The following SYT10 variants were observed in gnomAD, a reference collection of about 807,000 sequenced individuals.
The protein encoded by SYT10 is synaptotagmin-10.
In SYT10, 31 loss-of-function variants were observed where a neutral mutation model predicts 51.1. The observed-to-expected ratio is 0.61, with a 90% CI of 0.46 to 0.82. SYT10 has a LOEUF of 0.82. SYT10 is among the 40% of genes least tolerant of loss of function. The pLI, the probability that SYT10 is intolerant of heterozygous loss-of-function variation, is 0.00. For missense variants in SYT10, 603 were observed against 634.0 expected, an observed-to-expected ratio of 0.95 and a Z score of 0.53; for synonymous variants, 233 against 225.9, an observed-to-expected ratio of 1.03 and a Z score of -0.28.
intron 6 of SYT10, among the ~76,000 whole-genome samples, chr12:33,377,634 T>C (rs11052660): frequency 2.5e-4 from 19 of 74,772 alleles, no homozygotes; most frequent in South Asian, 1.7e-3. Context: ...TTTTTCTTTT[T>C]TTTTTTTTTT....
chr12:33,405,006 C>T (rs773028100), intron 3 of SYT10: 1 of 150,932 alleles, frequency 6.6e-6, no homozygotes, highest in Admixed American at 6.6e-5. Context: ...GTTTGGAAAA[C>T]GTATGAATGT....
chr12:33,394,858 C>T (rs777356969), intron 3 of SYT10, among the ~76,000 whole-genome samples: 9 of 152,120 alleles, frequency 5.9e-5, no homozygotes, highest in East Asian at 3.9e-4. Context: ...GGAGCCAAGG[C>T]GGGCAGACCA....
At chr12:33,386,163 G>A (rs60838684) in intron 3 of SYT10, among the ~76,000 whole-genome samples, 3,086 of 152,144 alleles carry the variant, frequency 0.02, 102 homozygotes, top group African/African-American at 0.072. Context: ...TGGGATTACA[G>A]GCATGCAACA....
chr12:33,405,555 T>G (rs770499097), intron 3 of SYT10: 2 of 152,068 alleles, frequency 1.3e-5, no homozygotes, highest in Non-Finnish European at 2.9e-5. Context: ...TAATTTACAA[T>G]GACAATATAA....
At chr12:33,395,037 G>A (rs1162021376) in intron 3 of SYT10, among the ~76,000 whole-genome samples, 2 of 152,188 alleles carry the variant, frequency 1.3e-5, no homozygotes, top group African/African-American at 2.4e-5. Flanking sequence ...GCAGTGAGCC[G>A]AGATCACGCC....
chr12:33,378,725 AAAT>A (rs1866086868), intron 6 of SYT10, among the ~76,000 whole-genome samples: 1 of 152,204 alleles, frequency 6.6e-6, no homozygotes, highest in South Asian at 2.1e-4. Context: ...CTGTTGAAAC[AAAT>A]AATAACTTTC....
chr12:33,380,498 A>G (rs879119686), intron 5 of SYT10, among the ~76,000 whole-genome samples: 2 of 152,196 alleles, frequency 1.3e-5, no homozygotes, highest in Admixed American at 6.5e-5. Context: ...TTATTTTTGC[A>G]TAACAGAAAA....
chr12:33,407,406 G>A lies in SYT10; in HGVS notation c.510-50C>T, dbSNP rs199564843. 244 of 1,569,506 alleles carry A rather than the reference G, an allele frequency of 1.6e-4. 2 individuals carry two copies. The highest frequency in any genetic ancestry group is 1.3e-4 in the Non-Finnish European group (156 of 1,162,712). On this transcript the variant is annotated intron_variant, in intron 2 of 6. Transcript: ENST00000228567. ...AATCATTGAGGGAGATCATTTTGAT[G>A]AGAATGTTATACAGTGACATATAAA...
At position 33,426,337 on chromosome 12, in the gene SYT10, G is replaced by A. The variant is rs533144504; in HGVS notation, c.310C>T (p.Pro104Ser). 6.2e-7 allele frequency: 1 copy of A among 1,613,990 alleles called. No homozygotes were observed. The highest frequency in any genetic ancestry group is 1.1e-5 in the South Asian group (1 of 91,052). ...TCTTCAGTCTCAAAAACTTCAGTAG[G>A]AGCACTTGAAATGCTCTGTGGAAGC... Reference protein sequence around the residue: ...TTLPQSISSAPTEVFETEEKK... With the variant: ...TTLPQSISSASTEVFETEEKK... Residue 104 changes from proline to serine, a missense_variant, in exon 2 of 7, where the codon CCT (proline) becomes TCT (serine). Pro to Ser is a moderately conservative substitution (Grantham distance 74). Coordinates refer to ENST00000228567, the MANE Select transcript of SYT10 (RefSeq NM_198992.4).
rs185696598 is a variant in SYT10 at position 33,381,539 on chromosome 12, C to T, written c.1370+810G>A. ...TATATAGTAAGGCCCAAATAAGAGA[C>T]ATAAACCATTGATGGGACAAGAGTT... is the stretch of plus-strand genomic sequence containing the variant. On this transcript the variant is annotated intron_variant, in intron 5 of 6. Transcript: ENST00000228567. Among the ~76,000 whole-genome samples, 26 of 152,136 alleles carry T rather than the reference C, an allele frequency of 1.7e-4. No homozygotes were observed. The South Asian group carries it at 3.1e-3, about 18-fold the overall frequency.
intron 6 of SYT10, among the ~76,000 whole-genome samples, chr12:33,379,549 C>CAAAAAAAAAAAAA (rs71068377): frequency 9.1e-5 from 2 of 22,064 alleles, no homozygotes; most frequent in African/African-American, 2.3e-4. Flanking sequence ...TCAGGCTATG[C>CAAAAAAAAAAAAA]AAAAAAAAAA....
At chr12:33,391,918 C>T (rs776388318) in intron 3 of SYT10, among the ~76,000 whole-genome samples, 9 of 152,120 alleles carry the variant, frequency 5.9e-5, no homozygotes, top group African/African-American at 9.7e-5. Flanking sequence ...GTGAAAGCTA[C>T]CAGCAACTAG....
At chr12:33,417,637 A>C (rs796552560) in intron 2 of SYT10, among the ~76,000 whole-genome samples, 8 of 152,224 alleles carry the variant, frequency 5.3e-5, no homozygotes, top group Non-Finnish European at 8.8e-5. Flanking sequence ...CTAAATGAGG[A>C]ATGTGGTCAT....
chr12:33,417,932 G>C (rs1225116061), intron 2 of SYT10, among the ~76,000 whole-genome samples: 1 of 152,144 alleles, frequency 6.6e-6, no homozygotes, highest in Non-Finnish European at 1.5e-5. Flanking sequence ...GAGTTGGAAG[G>C]GTTGTCTGAG....
At chr12:33,427,055 T>C (rs1192146464) in intron 1 of SYT10, among the ~76,000 whole-genome samples, 3 of 152,222 alleles carry the variant, frequency 2.0e-5, no homozygotes, top group Admixed American at 2.0e-4. Context: ...TTGTTTCTAA[T>C]TTCTCTTAAT....
chr12:33,415,488 T>C (rs1236775632), intron 2 of SYT10, among the ~76,000 whole-genome samples: 1 of 152,212 alleles, frequency 6.6e-6, no homozygotes, highest in Non-Finnish European at 1.5e-5. Flanking sequence ...TATATCCTCT[T>C]GCTTTAATTT....
chr12:33,407,438 C>A, intron 2 of SYT10, 82 bp from the exon 3 acceptor site: 1 of 1,417,184 alleles, frequency 7.1e-7, no homozygotes, highest in South Asian at 1.3e-5. Flanking sequence ...TAAACTCTTC[C>A]CCACCCCCAG....
chr12:33,435,599 G>A (rs556466757), intron 1 of SYT10, among the ~76,000 whole-genome samples: 4 of 152,278 alleles, frequency 2.6e-5, no homozygotes, highest in Admixed American at 2.6e-4. Flanking sequence ...AAATTCTACT[G>A]ATAATATGTT....
intron 2 of SYT10, among the ~76,000 whole-genome samples, chr12:33,412,030 T>C (rs762125799): frequency 4.5e-4 from 69 of 152,272 alleles, no homozygotes; most frequent in South Asian, 3.1e-3. Context: ...CTTGCTAAAA[T>C]CACTTTCAGT....
Sources: gnomAD v4.1 joint callset for allele counts (sites outside exome capture counted in the v4.1 genomes callset) on GRCh38, gnomAD v4.1.1 for gene constraint, MANE v1.5 for transcripts, NCBI Gene and HGNC (gene_info 2026-07-23, HGNC 2026-07-21) for gene names.